AGAP1: variants seen among roughly 807,000 people sequenced by gnomAD.
AGAP1 encodes the protein arf-GAP with GTPase, ANK repeat and PH domain-containing protein 1.
AGAP1 carries 29 observed loss-of-function variants against 105.3 expected under a neutral mutation model. The observed-to-expected ratio is 0.28, with a 90% CI of 0.21 to 0.38. The LOEUF (loss-of-function observed/expected upper bound fraction) is 0.38. AGAP1 is among the 10% of genes least tolerant of loss of function. The pLI, the probability that AGAP1 is intolerant of heterozygous loss-of-function variation, is 1.00. For missense variants in AGAP1, 998 were observed against 1,165.1 expected (o/e 0.86, Z 2.09); for synonymous variants, 509 against 485.9 (o/e 1.05, Z -0.63).
In AGAP1 at chr2:235,744,623, G is replaced by A. The variant is rs960785301; in HGVS notation, c.397-75G>A. The A allele has an allele frequency of 1.9e-5, 30 of 1,577,656 alleles. No homozygotes were observed. The African/African-American group carries it at 2.4e-4, about 13-fold the overall frequency. Reference sequence around the variant, plus strand: ...TTCCTGCAGCCCCCTGCTGCCTGCCGCCATGCAGACATCTCTGTTCTTAAT... The same window carrying A: ...TTCCTGCAGCCCCCTGCTGCCTGCCACCATGCAGACATCTCTGTTCTTAAT... On this transcript the variant is annotated intron_variant, in intron 4 of 17. Coordinates refer to ENST00000304032, the MANE Select transcript of AGAP1 (RefSeq NM_001037131.3). The surrounding 1 kb of genome is among the most constrained non-coding windows in gnomAD (Gnocchi z 5.2).
chr2:235,657,024 G>A (rs1304164382), intron 1 of AGAP1, among the ~76,000 whole-genome samples: 1 of 152,324 alleles, frequency 6.6e-6, no homozygotes, highest in South Asian at 2.1e-4. Context: ...GGAAACCAGA[G>A]TCTAGATAAG....
Position 235,864,425 on chromosome 2 carries a change from G to A in AGAP1, c.1051-18920G>A, listed in dbSNP as rs976049163. On this transcript the variant is annotated intron_variant, in intron 9 of 17. Transcript: ENST00000304032. The surrounding 1 kb of genome is among the most constrained non-coding windows in gnomAD (Gnocchi z 5.0). ...CATTTCCAGACCATGGTAAGTGCCCGTTGGTTTTGTTTGCGGTTCTGGCCT... is the reference window on the plus strand; with the variant it reads ...CATTTCCAGACCATGGTAAGTGCCCATTGGTTTTGTTTGCGGTTCTGGCCT... Among the ~76,000 whole-genome samples the A allele has an allele frequency of 5.9e-5, 9 of 152,196 alleles. No homozygotes were observed. Among genetic ancestry groups the A allele is most frequent in the South Asian group, 2.1e-4 (1 of 4,824 alleles).
rs1946461532 is a variant in AGAP1 at position 235,621,055 on chromosome 2, C to G, written c.164-88124C>G. Among the ~76,000 whole-genome samples, 1 of 152,082 alleles carries G rather than the reference C, an allele frequency of 6.6e-6. No homozygotes were observed. The highest frequency in any genetic ancestry group is 1.5e-5 in the Non-Finnish European group (1 of 68,030). ...CTTTTTTTGGAGACCCAGTCTCGCT[C>G]TTGTCTCCCAGGCTGGAGTACAATG... On this transcript the variant is annotated intron_variant, in intron 1 of 17. Transcript: ENST00000304032. This position sits in a 1 kb window ranked among gnomAD's most constrained non-coding sequence, Gnocchi z 4.1.
intron 6 of AGAP1, among the ~76,000 whole-genome samples, chr2:235,797,010 T>C (rs1957272388): frequency 6.6e-6 from 1 of 152,212 alleles, no homozygotes. Context: ...TTGATTAAGA[T>C]AAACTTACAA....
chr2:235,722,632 CCT>C (rs1304249375), intron 3 of AGAP1, among the ~76,000 whole-genome samples: 1 of 152,184 alleles, frequency 6.6e-6, no homozygotes, highest in East Asian at 1.9e-4. Context: ...GGCCCATCCT[CCT>C]CCAGCATGAC....
chr2:236,128,009 C>G lies in AGAP1; in HGVS notation c.*3887C>G, dbSNP rs1216867884. On this transcript the variant is annotated 3_prime_UTR_variant, in exon 18 of 18. Transcript: ENST00000304032. This position sits in a 1 kb window ranked among gnomAD's most constrained non-coding sequence, Gnocchi z 5.9. ...CGAAGCCAGTGCACACACCAGGAAA[C>G]CTGCCCGTGGCTGACACTGTCCTCC... 6.6e-6 allele frequency: 1 copy of G among 152,244 alleles called. No individual in the cohort carries two copies. The highest frequency in any genetic ancestry group is 2.1e-4 in the South Asian group (1 of 4,832). The allele number at this position is 152,244 out of a possible 1,614,324, so 9.4% of individuals were successfully genotyped here.
intron 6 of AGAP1, among the ~76,000 whole-genome samples, chr2:235,776,081 A>G (rs1317326980): frequency 6.6e-6 from 1 of 152,140 alleles, no homozygotes; most frequent in Non-Finnish European, 1.5e-5. Context: ...TTGAATATAT[A>G]TTAGATGCGT....
chr2:235,890,625 G>T (rs561965666), intron 10 of AGAP1, among the ~76,000 whole-genome samples: 1 of 152,326 alleles, frequency 6.6e-6, no homozygotes, highest in East Asian at 1.9e-4. Context: ...GAGCACACCT[G>T]CATAGCTTTC....
intron 5 of AGAP1, among the ~76,000 whole-genome samples, chr2:235,749,196 A>T (rs2149704634): frequency 6.8e-6 from 1 of 146,844 alleles, no homozygotes; most frequent in South Asian, 2.4e-4. Context: ...CGACACAGTG[A>T]GACTCCATCT....
intron 16 of AGAP1, among the ~76,000 whole-genome samples, chr2:236,116,367 T>TTTTTTTTTTTTTTTA (rs1553578895): frequency 1.0e-4 from 15 of 150,412 alleles, no homozygotes; most frequent in Admixed American, 2.7e-4. Context: ...CTTTTTTTTT[T>TTTTTTTTTTTTTTTA]GAGAGAGAGT....
intron 2 of AGAP1, among the ~76,000 whole-genome samples, chr2:235,715,108 C>A (rs905619199): frequency 1.3e-5 from 2 of 152,162 alleles, no homozygotes; most frequent in African/African-American, 4.8e-5. Context: ...TGTGTTTGTT[C>A]TTAATAGCTA....
chr2:235,757,148 C>G (rs1953996135), intron 6 of AGAP1, among the ~76,000 whole-genome samples: 1 of 152,172 alleles, frequency 6.6e-6, no homozygotes, highest in Non-Finnish European at 1.5e-5. Flanking sequence ...AGTTGTTAGA[C>G]CAGGTCAAGA....
intron 1 of AGAP1, among the ~76,000 whole-genome samples, chr2:235,634,116 C>A (rs553515996): frequency 5.3e-5 from 8 of 152,288 alleles, no homozygotes; most frequent in African/African-American, 1.7e-4. Flanking sequence ...TGAGGCTTTA[C>A]GGCAAGTTGT....
chr2:235,937,662 G>A (rs1273054384), intron 12 of AGAP1, among the ~76,000 whole-genome samples: 1 of 152,192 alleles, frequency 6.6e-6, no homozygotes, highest in Non-Finnish European at 1.5e-5. Flanking sequence ...TCTGGCCCTC[G>A]GCGTGTCTTC....
At chr2:235,711,160 G>A (rs1373944726) in intron 2 of AGAP1, among the ~76,000 whole-genome samples, 2 of 152,236 alleles carry the variant, frequency 1.3e-5, no homozygotes, top group African/African-American at 4.8e-5. Context: ...CTGGCGCCAT[G>A]TGGCTGTTGA....
rs1257469590 is a variant in AGAP1, at chr2:236,017,279, C to T, written c.1646-19282C>T. 4.3e-5 allele frequency among the ~76,000 whole-genome samples: 6 copies of T among 140,028 alleles called. No homozygotes were observed. In the East Asian group the frequency reaches 1.2e-3, roughly 28 times the overall value. The allele number at this position is 140,028 out of a possible 152,430, so 91.9% of individuals were successfully genotyped here. A position where few individuals can be genotyped will look rare whatever the true frequency, so the allele number is the denominator to read the frequency against. On this transcript the variant is annotated intron_variant, in intron 13 of 17. Transcript: ENST00000304032. ...CTGCACTGCAGCCTGGACGACAGAG[C>T]GAGACTCCATCTCAAAAAAAAAAAA...
At chr2:235,746,185 T>C (rs1952916971) in intron 5 of AGAP1, among the ~76,000 whole-genome samples, 2 of 151,314 alleles carry the variant, frequency 1.3e-5, no homozygotes, top group Admixed American at 1.3e-4. Context: ...CTTGGGAGGC[T>C]GAGGCAGGAG....
intron 6 of AGAP1, 116 bp from the exon 7 acceptor site, chr2:235,797,643 C>T: frequency 7.6e-7 from 1 of 1,321,776 alleles, no homozygotes; most frequent in Non-Finnish European, 1.1e-6. Flanking sequence ...ACCAGGAATG[C>T]TATTACTGCG....
chr2:236,093,614 A>G (rs2059118926), intron 16 of AGAP1, among the ~76,000 whole-genome samples: 1 of 152,232 alleles, frequency 6.6e-6, no homozygotes, highest in Non-Finnish European at 1.5e-5. Context: ...TAAGAGGATG[A>G]CCAAAGGCAA....
Sources: allele counts gnomAD v4.1 joint callset (sites outside exome capture counted in the v4.1 genomes callset), GRCh38; gene constraint gnomAD v4.1.1; non-coding constraint Gnocchi (gnomAD v3.1); transcripts MANE v1.5; gene names NCBI Gene and HGNC (gene_info 2026-07-23, HGNC 2026-07-21).